Variants in GPHN observed in about 807,000 individuals in gnomAD.
GPHN encodes gephyrin.
GPHN carries 17 observed loss-of-function variants against 95.5 expected under a neutral mutation model. That is an observed-to-expected ratio of 0.18 (90% CI 0.12 to 0.27). The LOEUF is 0.27. Ranked by LOEUF, GPHN falls within the 10% of genes least tolerant of loss-of-function variation. The probability of loss-of-function intolerance (pLI) is 1.00; values close to 1 mark genes in which losing one functional copy is unlikely to be tolerated. For synonymous variants in GPHN, 320 were observed against 322.5 expected, an observed-to-expected ratio of 0.99 and a Z score of 0.08; for missense variants, 660 against 978.1, an observed-to-expected ratio of 0.67 and a Z score of 4.34.
At chr14:67,600,043 C>T in the GPHN span, 1 of 1,574,904 alleles carries the variant, frequency 6.3e-7, no homozygotes, top group Non-Finnish European at 8.6e-7. Flanking sequence ...GGTGAAGAGT[C>T]CGTAGGCCGC....
the GPHN span, among the ~76,000 whole-genome samples, chr14:67,461,986 T>A: frequency 2.1e-4 from 32 of 152,348 alleles, no homozygotes; most frequent in East Asian, 6.2e-3. Flanking sequence ...AGCTGCCCAG[T>A]GGGCAAGCCA....
the GPHN span, among the ~76,000 whole-genome samples, chr14:67,281,850 C>T: frequency 6.7e-6 from 1 of 150,116 alleles, no homozygotes; most frequent in African/African-American, 2.5e-5. Context: ...TTTGAATGTT[C>T]TATTGCTGAC....
the GPHN span, among the ~76,000 whole-genome samples, chr14:67,475,720 C>G: frequency 6.6e-6 from 1 of 152,218 alleles, no homozygotes; most frequent in Non-Finnish European, 1.5e-5. Context: ...CCCAGTCCTT[C>G]TGGCTCCTTT....
chr14:67,638,302 T>C, the GPHN span, among the ~76,000 whole-genome samples: 2 of 151,998 alleles, frequency 1.3e-5, no homozygotes, highest in African/African-American at 2.4e-5. Flanking sequence ...GATGGGAGCA[T>C]TACTTGAGCC....
intron 1 of GPHN, among the ~76,000 whole-genome samples, chr14:66,570,577 A>AT (rs2060647408): frequency 7.5e-6 from 1 of 133,044 alleles, no homozygotes. Context: ...AAGTGCCGAG[A>AT]TTACAGGCAT....
At chr14:66,547,883 A>T (rs145613334) in intron 1 of GPHN, among the ~76,000 whole-genome samples, 88 of 152,326 alleles carry the variant, frequency 5.8e-4, no homozygotes, top group East Asian at 1.4e-3. Flanking sequence ...AATAAATATA[A>T]AAGTGCCATA....
At chr14:66,808,349 A>G (rs1294661093) in intron 3 of GPHN, among the ~76,000 whole-genome samples, 4 of 152,226 alleles carry the variant, frequency 2.6e-5, no homozygotes, top group Admixed American at 2.6e-4. Flanking sequence ...CTCTCTTAAA[A>G]GTATCTTTGC....
chr14:66,794,955 G>GT (rs150196899), intron 3 of GPHN, among the ~76,000 whole-genome samples: 6,631 of 152,100 alleles, frequency 0.044, 189 homozygotes, highest in Middle Eastern at 0.068. Context: ...TCTACTTCAT[G>GT]TTTTTTGCCA....
the GPHN span, among the ~76,000 whole-genome samples, chr14:67,255,626 C>T: frequency 0.012 from 1,845 of 152,208 alleles, 19 homozygotes; most frequent in Non-Finnish European, 0.018. Context: ...GATAACACTT[C>T]GATTACTTTT....
chr14:67,399,342 A>T, the GPHN span, among the ~76,000 whole-genome samples: 1 of 151,092 alleles, frequency 6.6e-6, no homozygotes, highest in East Asian at 2.0e-4. Flanking sequence ...AGGAATAAAG[A>T]GAAGGGTAGT....
chr14:67,515,834 G>A, the GPHN span, among the ~76,000 whole-genome samples: 1,820 of 3,834 alleles, frequency 0.47, 41 homozygotes, highest in African/African-American at 0.5. Flanking sequence ...CAGCACTGTG[G>A]ACCTGCGGTC....
rs555228040 is a variant in GPHN, at chr14:66,698,062, A to G, written c.143+16877A>G. Among the ~76,000 whole-genome samples the G allele has an allele frequency of 4.7e-4, 71 of 152,298 alleles. 1 individual carries two copies. In the South Asian group the frequency reaches 0.014, roughly 30 times the overall value. On this transcript the variant is annotated intron_variant, in intron 2 of 22. Coordinates refer to ENST00000478722, the MANE Select transcript of GPHN (RefSeq NM_020806.5). Reference sequence around the variant, plus strand: ...TGACCCATTCGAAAGCACTTTGGAAATTGTGAAATAAATATTTATTAAATG... The same window carrying G: ...TGACCCATTCGAAAGCACTTTGGAAGTTGTGAAATAAATATTTATTAAATG...
the GPHN span, among the ~76,000 whole-genome samples, chr14:67,608,835 A>G: frequency 9.8e-5 from 15 of 152,320 alleles, no homozygotes; most frequent in African/African-American, 3.6e-4. Context: ...AGTTTTTTAC[A>G]AGAGAACTGA....
intron 2 of GPHN, among the ~76,000 whole-genome samples, chr14:66,731,836 AGCCCCTCT>A (rs746000709): frequency 2.0e-5 from 3 of 152,142 alleles, no homozygotes; most frequent in Non-Finnish European, 4.4e-5. Context: ...CTGGGCCCTG[AGCCCCTCT>A]GCTCTGTGCA....
chr14:66,579,844 G>A (rs2061081154), intron 1 of GPHN, among the ~76,000 whole-genome samples: 1 of 151,670 alleles, frequency 6.6e-6, no homozygotes, highest in Admixed American at 6.6e-5. Flanking sequence ...TTGATATGTG[G>A]ACTTCAATCA....
chr14:66,546,245 G>A (rs1261234115), intron 1 of GPHN, among the ~76,000 whole-genome samples: 1 of 151,246 alleles, frequency 6.6e-6, no homozygotes, highest in Non-Finnish European at 1.5e-5. Context: ...TCACTTTCTA[G>A]ATGGGATGGC....
At chr14:66,807,231 GC>G (rs2060580281) in intron 3 of GPHN, among the ~76,000 whole-genome samples, 1 of 152,132 alleles carries the variant, frequency 6.6e-6, no homozygotes, top group Non-Finnish European at 1.5e-5. Flanking sequence ...GGAAAATCCT[GC>G]CCCCATGATT....
At chr14:67,011,585 A>AAG (rs1567210698) in intron 9 of GPHN, among the ~76,000 whole-genome samples, 1 of 150,550 alleles carries the variant, frequency 6.6e-6, no homozygotes, top group African/African-American at 2.4e-5. Context: ...AAAAAAAAAA[A>AAG]AAAAAAAAAA....
the GPHN span, among the ~76,000 whole-genome samples, chr14:67,699,255 G>GA: frequency 1.8e-3 from 251 of 139,276 alleles, no homozygotes; most frequent in African/African-American, 5.2e-3. Flanking sequence ...CTCTATCTCA[G>GA]AAAAAAAAAA....
Sources: gnomAD v4.1 joint callset for allele counts (sites outside exome capture counted in the v4.1 genomes callset) on GRCh38, gnomAD v4.1.1 for gene constraint, MANE v1.5 for transcripts, NCBI Gene and HGNC (gene_info 2026-07-23, HGNC 2026-07-21) for gene names.